Variants in CTNNA3 observed in about 807,000 individuals in gnomAD.
The protein encoded by CTNNA3 is catenin alpha 3.
Under a neutral mutation model 95.7 loss-of-function variants are expected in CTNNA3, and 76 were observed. The observed-to-expected ratio is 0.79, with a 90% CI of 0.66 to 0.96. The LOEUF is 0.96. CTNNA3 is among the 40% of genes least tolerant of loss of function. CTNNA3 has a pLI of 0.00. For missense variants in CTNNA3, 1,191 were observed against 1,089.8 expected (o/e 1.09, Z -1.31); for synonymous variants, 431 against 374.4 (o/e 1.15, Z -1.74).
At chr10:66,102,918 AG>A (rs1454656617) in intron 14 of CTNNA3, among the ~76,000 whole-genome samples, 5 of 152,202 alleles carry the variant, frequency 3.3e-5, no homozygotes, top group African/African-American at 9.6e-5. Flanking sequence ...AAAGATCAAA[AG>A]CAGTATGGAG....
chr10:66,261,750 G>A (rs2091008697), intron 13 of CTNNA3, among the ~76,000 whole-genome samples: 1 of 151,964 alleles, frequency 6.6e-6, no homozygotes, highest in South Asian at 2.1e-4. Context: ...GCTTAAAGAT[G>A]TTCTTCGGAT....
At chr10:66,103,081 T>C in intron 14 of CTNNA3, 76 bp downstream of exon 14, 1 of 1,177,484 alleles carries the variant, frequency 8.5e-7, no homozygotes, top group Non-Finnish European at 1.3e-6. Flanking sequence ...CATTAGAGGC[T>C]GCCTAGATTG....
Position 66,621,693 on chromosome 10 carries a change from T to C in CTNNA3, c.1373A>G (p.Gln458Arg), listed in dbSNP as rs1844756161. ...AANHLETLCP[Q>R]IINAALALAA... Reference sequence around the variant, plus strand: ...CAAAAAGTAACTTAGTTGTCATACCTGTGGACACAAGGTTTCCAAATGATT... The same window carrying C: ...CAAAAAGTAACTTAGTTGTCATACCCGTGGACACAAGGTTTCCAAATGATT... Residue 458 changes from glutamine (Q) to arginine (R), a missense_variant and splice_region_variant, in exon 10 of 18, where the codon CAG becomes CGG. Coordinates refer to ENST00000433211, the MANE Select transcript of CTNNA3 (RefSeq NM_013266.4). 1 of 1,586,980 alleles carries C rather than the reference T, an allele frequency of 6.3e-7. No individual in the cohort carries two copies. Among genetic ancestry groups the C allele is most frequent in the Non-Finnish European group, 8.6e-7 (1 of 1,158,640 alleles).
At chr10:66,776,431 A>G (rs1320393769) in intron 7 of CTNNA3, among the ~76,000 whole-genome samples, 3 of 152,158 alleles carry the variant, frequency 2.0e-5, no homozygotes, top group Non-Finnish European at 4.4e-5. Flanking sequence ...GAAAAAGGAC[A>G]CTGAGGCCAA....
At chr10:67,201,165 T>C (rs1255011384) in intron 6 of CTNNA3, among the ~76,000 whole-genome samples, 1 of 152,204 alleles carries the variant, frequency 6.6e-6, no homozygotes, top group Non-Finnish European at 1.5e-5. Context: ...ATTCTAGGCA[T>C]TGAAGAAGCA....
intron 3 of CTNNA3, among the ~76,000 whole-genome samples, chr10:67,570,239 T>C (rs1841936812): frequency 6.6e-6 from 1 of 152,082 alleles, no homozygotes; most frequent in Non-Finnish European, 1.5e-5. Flanking sequence ...CTTCCCCACA[T>C]CGTCTTTCTC....
intron 5 of CTNNA3, among the ~76,000 whole-genome samples, chr10:67,224,589 A>G (rs1213415004): frequency 6.6e-6 from 1 of 152,174 alleles, no homozygotes; most frequent in Admixed American, 6.5e-5. Flanking sequence ...TCCTGAATAC[A>G]CAACCCCACT....
chr10:67,676,348 C>G (rs1470684979), intron 1 of CTNNA3, among the ~76,000 whole-genome samples: 3 of 152,104 alleles, frequency 2.0e-5, no homozygotes, highest in Non-Finnish European at 4.4e-5. Flanking sequence ...AAGAAACTTT[C>G]ACAGAACTGA....
At chr10:66,238,626 A>G (rs2089971864) in intron 13 of CTNNA3, among the ~76,000 whole-genome samples, 1 of 151,844 alleles carries the variant, frequency 6.6e-6, no homozygotes. Flanking sequence ...GTAAAAACAG[A>G]TTGGAGAATA....
At chr10:66,787,369 G>C (rs10997384) in intron 7 of CTNNA3, among the ~76,000 whole-genome samples, 1 of 152,140 alleles carries the variant, frequency 6.6e-6, no homozygotes, top group East Asian at 1.9e-4. Flanking sequence ...AATATTATTA[G>C]AGTAATACCC....
chr10:67,139,542 A>G (rs1316545936), intron 7 of CTNNA3, among the ~76,000 whole-genome samples: 2 of 151,890 alleles, frequency 1.3e-5, no homozygotes, highest in Non-Finnish European at 2.9e-5. Context: ...CCTCCTGAGT[A>G]GCTGGGATTA....
At chr10:65,998,903 T>C (rs1231061317) in intron 15 of CTNNA3, among the ~76,000 whole-genome samples, 1 of 152,140 alleles carries the variant, frequency 6.6e-6, no homozygotes, top group East Asian at 1.9e-4. Context: ...AAAATACTTG[T>C]GCCCTGTAAG....
At chr10:65,977,782 A>T (rs1430018528) in intron 16 of CTNNA3, among the ~76,000 whole-genome samples, 1 of 151,986 alleles carries the variant, frequency 6.6e-6, no homozygotes, top group Non-Finnish European at 1.5e-5. Context: ...CCGTCTCAAA[A>T]ATTAAAAAAA....
At chr10:67,445,923 T>C (rs1449309056) in intron 5 of CTNNA3, among the ~76,000 whole-genome samples, 1 of 152,148 alleles carries the variant, frequency 6.6e-6, no homozygotes, top group Non-Finnish European at 1.5e-5. Flanking sequence ...AAAGCTTCAT[T>C]TTGTCCTAGT....
At chr10:66,621,601 A>AAC in intron 10 of CTNNA3, 91 bp downstream of exon 10, 2 of 767,160 alleles carry the variant, frequency 2.6e-6, no homozygotes, top group South Asian at 2.1e-5. Context: ...CAAAAAAAAA[A>AAC]AAAGAAAAAA....
intron 16 of CTNNA3, among the ~76,000 whole-genome samples, chr10:65,975,589 A>G (rs549595015): frequency 6.6e-6 from 1 of 152,156 alleles, no homozygotes; most frequent in African/African-American, 2.4e-5. Context: ...AAAACGATGA[A>G]AAACAAGTCA....
chr10:66,204,777 A>T (rs1483693276), intron 13 of CTNNA3, among the ~76,000 whole-genome samples: 1 of 152,184 alleles, frequency 6.6e-6, no homozygotes, highest in African/African-American at 2.4e-5. Context: ...CAGGAACTAC[A>T]GCTTATTCCT....
chr10:66,748,442 T>C (rs1417915836), intron 9 of CTNNA3, among the ~76,000 whole-genome samples: 2 of 152,178 alleles, frequency 1.3e-5, no homozygotes, highest in African/African-American at 2.4e-5. Flanking sequence ...CCTAGGTATA[T>C]TTTATAGCTG....
Position 66,691,214 on chromosome 10 carries a change from G to T in CTNNA3, c.1282-69430C>A, listed in dbSNP as rs540240139. ...GAGTTCCCTTTCCTAGTCAAAGAAA[G>T]GGGTGACAGACGGCACCTGGAAAAT... On this transcript the variant is annotated intron_variant, in intron 9 of 17. Coordinates refer to ENST00000433211, the MANE Select transcript of CTNNA3 (RefSeq NM_013266.4). Among the ~76,000 whole-genome samples the T allele has an allele frequency of 2.7e-4, 41 of 152,294 alleles. 1 individual carries two copies. The highest frequency in any genetic ancestry group is 3.4e-3 in the Middle Eastern group (1 of 294).
Sources: allele counts gnomAD v4.1 joint callset (sites outside exome capture counted in the v4.1 genomes callset), GRCh38; gene constraint gnomAD v4.1.1; transcripts MANE v1.5; gene names NCBI Gene and HGNC (gene_info 2026-07-23, HGNC 2026-07-21).